Variants in SYCP2L observed in about 807,000 individuals in gnomAD.
SYCP2L encodes the protein synaptonemal complex protein 2-like.
A neutral mutation model predicts 125.8 loss-of-function variants in SYCP2L; 98 were observed. That is an observed-to-expected ratio of 0.78 (90% CI 0.66 to 0.92). The LOEUF (loss-of-function observed/expected upper bound fraction) is 0.92. SYCP2L is among the 40% of genes least tolerant of loss of function. The pLI, the probability that SYCP2L is intolerant of heterozygous loss-of-function variation, is 0.00. For synonymous variants in SYCP2L, 317 were observed against 325.4 expected, an observed-to-expected ratio of 0.97 and a Z score of 0.28; for missense variants, 842 against 936.4, an observed-to-expected ratio of 0.90 and a Z score of 1.32.
chr6:10,941,489 G>A (rs1781219311), intron 21 of SYCP2L, among the ~76,000 whole-genome samples: 1 of 152,100 alleles, frequency 6.6e-6, no homozygotes, highest in Non-Finnish European at 1.5e-5. Context: ...GTGGGCAAAG[G>A]ATATGAACAG....
chr6:10,903,277 G>T (rs933199403), intron 8 of SYCP2L, among the ~76,000 whole-genome samples: 3 of 151,662 alleles, frequency 2.0e-5, no homozygotes, highest in Admixed American at 2.0e-4. Flanking sequence ...GGCCAGGCGT[G>T]GTGGCTCACG....
At chr6:10,927,488 G>A (rs1264419547) in intron 17 of SYCP2L, 121 bp downstream of exon 17, 15 of 727,382 alleles carry the variant, frequency 2.1e-5, no homozygotes, top group Non-Finnish European at 3.2e-5. Flanking sequence ...GGTAGGTTCC[G>A]TGATGCCCCC....
Position 10,902,671 on chromosome 6 carries a change from T to C in SYCP2L, c.467-6T>C. The C allele has an allele frequency of 1.2e-6, 2 of 1,612,360 alleles. No individual in the cohort carries two copies. The highest frequency in any genetic ancestry group is 4.5e-5 in the East Asian group (2 of 44,864). On this transcript the variant is annotated splice_polypyrimidine_tract_variant and splice_region_variant and intron_variant, in intron 6 of 29. Transcript: ENST00000283141. ...TAAATTTGATGCTTTGAAATTATAC[T>C]TTCAGGGAAAATTCAGATGTTGGAT...
At chr6:10,891,418 ATTT>A (rs61237589) in intron 1 of SYCP2L, 92 bp from the exon 2 acceptor site, 45,878 of 469,086 alleles carry the variant, frequency 0.098, 47 homozygotes, top group Non-Finnish European at 0.12. Flanking sequence ...CAAACCTTTA[ATTT>A]TTTTTTTTTT....
chr6:10,923,379 AC>A (rs1222381084), intron 14 of SYCP2L, among the ~76,000 whole-genome samples: 1 of 112,286 alleles, frequency 8.9e-6, no homozygotes, highest in Non-Finnish European at 1.8e-5. Flanking sequence ...TGAAACACAC[AC>A]TTTTTTTTTT....
intron 14 of SYCP2L, among the ~76,000 whole-genome samples, chr6:10,921,246 T>C (rs969235561): frequency 6.6e-6 from 1 of 152,194 alleles, no homozygotes; most frequent in Non-Finnish European, 1.5e-5. Flanking sequence ...TTCCAAGGTG[T>C]GTATGTACCA....
At chr6:10,973,427 G>A (rs1010922443) in intron 29 of SYCP2L, among the ~76,000 whole-genome samples, 1 of 152,158 alleles carries the variant, frequency 6.6e-6, no homozygotes, top group African/African-American at 2.4e-5. Flanking sequence ...CAGCTACTCA[G>A]GAAACTGAGG....
chr6:10,963,696 C>T, intron 28 of SYCP2L, 86 bp from the exon 29 acceptor site: 1 of 1,341,456 alleles, frequency 7.5e-7, no homozygotes, highest in Admixed American at 1.8e-5. Flanking sequence ...TGAAATAACT[C>T]TGATATGCAG....
intron 21 of SYCP2L, among the ~76,000 whole-genome samples, chr6:10,937,950 C>T (rs1781131281): frequency 6.6e-6 from 1 of 152,094 alleles, no homozygotes; most frequent in Non-Finnish European, 1.5e-5. Context: ...AGCCCAGGGC[C>T]AGACGGTTTC....
chr6:10,958,752 G>A (rs372407188), intron 25 of SYCP2L, 32 bp from the exon 26 acceptor site: 4 of 1,568,558 alleles, frequency 2.6e-6, no homozygotes, highest in Admixed American at 3.7e-5. Context: ...TATATTAAAT[G>A]TGATCATCTT....
chr6:10,906,654 A>G (rs1432211327), intron 9 of SYCP2L, among the ~76,000 whole-genome samples: 1 of 151,242 alleles, frequency 6.6e-6, no homozygotes. Flanking sequence ...CTGGAGTGCA[A>G]TGGCGCGATC....
At chr6:10,960,644 G>A (rs1479986149) in intron 26 of SYCP2L, among the ~76,000 whole-genome samples, 1 of 152,146 alleles carries the variant, frequency 6.6e-6, no homozygotes, top group African/African-American at 2.4e-5. Context: ...ACAGGTTTCA[G>A]GGCCAGCTTA....
chr6:10,965,718 A>G (rs1054594013), intron 29 of SYCP2L, among the ~76,000 whole-genome samples: 1 of 152,252 alleles, frequency 6.6e-6, no homozygotes, highest in Non-Finnish European at 1.5e-5. Flanking sequence ...ATTCTAGCAC[A>G]TAGAAGATTA....
chr6:10,954,203 C>A lies in SYCP2L; in HGVS notation c.1955-913C>A, dbSNP rs990972320. Among the ~76,000 whole-genome samples, 1 of 152,144 alleles carries A rather than the reference C, an allele frequency of 6.6e-6. No homozygotes were observed. Among genetic ancestry groups the A allele is most frequent in the Non-Finnish European group, 1.5e-5 (1 of 68,024 alleles). ...ACAAAAGAGAAGTCAGATGATGTCA[C>A]AACTAAAGGTACAGTGCGGGGGAGA... On this transcript the variant is annotated intron_variant, in intron 23 of 29. Coordinates refer to ENST00000283141, the MANE Select transcript of SYCP2L (RefSeq NM_001040274.3). The surrounding 1 kb of genome is among the most constrained non-coding windows in gnomAD (Gnocchi z 4.8).
chr6:10,933,068 C>G (rs140418994), intron 20 of SYCP2L, among the ~76,000 whole-genome samples: 1 of 152,066 alleles, frequency 6.6e-6, no homozygotes, highest in Non-Finnish European at 1.5e-5. Context: ...CTTAAAAAAT[C>G]GATAAATTTA....
chr6:10,950,068 G>A (rs1291285515), intron 23 of SYCP2L, among the ~76,000 whole-genome samples: 1 of 152,024 alleles, frequency 6.6e-6, no homozygotes, highest in Non-Finnish European at 1.5e-5. Flanking sequence ...TCAAGTAAAT[G>A]TTTTCACCAT....
At chr6:10,909,269 C>T (rs561390856) in intron 10 of SYCP2L, among the ~76,000 whole-genome samples, 2 of 151,936 alleles carry the variant, frequency 1.3e-5, no homozygotes, top group African/African-American at 4.8e-5. Flanking sequence ...GCTGGGATTA[C>T]AGGCGTGTGC....
intron 29 of SYCP2L, among the ~76,000 whole-genome samples, chr6:10,965,998 A>C (rs1055075549): frequency 6.6e-6 from 1 of 152,166 alleles, no homozygotes; most frequent in African/African-American, 2.4e-5. Flanking sequence ...CTGTTATCCC[A>C]GCTACTTGGG....
rs552364483 is a variant in SYCP2L, at chr6:10,908,296, TGAA to T, written c.819+619_819+621del. Among the ~76,000 whole-genome samples, 662 of 152,208 alleles carry T rather than the reference TGAA, an allele frequency of 4.3e-3. 10 individuals are homozygous for T. Among genetic ancestry groups the T allele is most frequent in the Non-Finnish European group, 2.9e-3 (198 of 68,010 alleles). The stretch of plus-strand genomic sequence containing the variant: ...ATGAACCTTGAATGGTAGGAAGAAT[TGAA>T]GAAGAAATCAGAGCATTTTTGCCTT... On this transcript the variant is annotated intron_variant, in intron 10 of 29. Transcript: ENST00000283141.
Sources: gnomAD v4.1 joint callset for allele counts (sites outside exome capture counted in the v4.1 genomes callset) on GRCh38, gnomAD v4.1.1 for gene constraint, Gnocchi (gnomAD v3.1) non-coding constraint, MANE v1.5 for transcripts, NCBI Gene and HGNC (gene_info 2026-07-23, HGNC 2026-07-21) for gene names.